Variants in PLEKHA7 observed in about 807,000 individuals in gnomAD.
PLEKHA7 encodes the protein pleckstrin homology domain-containing family A member 7.
In PLEKHA7, 104 loss-of-function variants were observed where a neutral mutation model predicts 170.0. The observed-to-expected ratio is 0.61, with a 90% confidence interval of 0.52 to 0.72. The LOEUF is 0.72. Among genes scored for constraint, PLEKHA7 ranks in the 30% least tolerant of loss-of-function variants. The pLI is 0.00. For synonymous variants in PLEKHA7, 648 were observed against 660.8 expected (o/e 0.98, Z 0.30); for missense variants, 1,615 against 1,671.7 (o/e 0.97, Z 0.59).
Position 17,012,504 on chromosome 11 carries a change from T to C in PLEKHA7, c.221+1485A>G, listed in dbSNP as rs1453193783. On this transcript the variant is annotated intron_variant, in intron 3 of 26. Coordinates refer to ENST00000531066, the MANE Select transcript of PLEKHA7 (RefSeq NM_001329630.2). The stretch of plus-strand genomic sequence containing the variant: ...TGCCTATTCAGAAACACCATCCCGA[T>C]CTCCCAGTACAACCAAGCCACCCAG... 2.6e-5 allele frequency among the ~76,000 whole-genome samples: 4 copies of C among 152,158 alleles called. No individual in the cohort carries two copies. The East Asian group carries it at 7.7e-4, about 29-fold the overall frequency.
At chr11:16,967,130 T>C (rs1862422782) in intron 3 of PLEKHA7, among the ~76,000 whole-genome samples, 1 of 152,162 alleles carries the variant, frequency 6.6e-6, no homozygotes, top group African/African-American at 2.4e-5. Context: ...GCTCTCAATG[T>C]CCTTTGTTTT....
Position 16,817,419 on chromosome 11 carries a change from G to A in PLEKHA7, c.1344-97C>T, listed in dbSNP as rs1363432843. On this transcript the variant is annotated intron_variant, in intron 10 of 26. Coordinates refer to ENST00000531066, the MANE Select transcript of PLEKHA7 (RefSeq NM_001329630.2). The surrounding 1 kb of genome is among the most constrained non-coding windows in gnomAD (Gnocchi z 4.4). ...GTAAACCCACAAAGCTGGGCATGTG[G>A]GACAGTCCTGTAAGAACCTCAAAAG... 7.9e-7 allele frequency: 1 copy of A among 1,260,994 alleles called. No individual in the cohort carries two copies. 78.1% of individuals were successfully genotyped at this position (1,260,994 alleles called of 1,614,324 possible).
chr11:17,005,121 G>A (rs76970011), intron 3 of PLEKHA7, among the ~76,000 whole-genome samples: 96,417 of 151,840 alleles, frequency 0.63, 31,233 homozygotes, highest in East Asian at 0.96. Context: ...AGACTTAACG[G>A]GGGGGGTAAA....
intron 3 of PLEKHA7, among the ~76,000 whole-genome samples, chr11:16,947,454 G>C (rs1861102312): frequency 6.6e-6 from 1 of 152,026 alleles, no homozygotes; most frequent in Non-Finnish European, 1.5e-5. Context: ...AGCCAGGCAT[G>C]GTGAGAGGCA....
chr11:16,856,664 C>A (rs1206661175), intron 4 of PLEKHA7, among the ~76,000 whole-genome samples: 1 of 152,224 alleles, frequency 6.6e-6, no homozygotes, highest in Non-Finnish European at 1.5e-5. Context: ...CAGTGCGACA[C>A]TCAAGAGCCA....
chr11:16,820,019 A>T (rs930668126), intron 10 of PLEKHA7, among the ~76,000 whole-genome samples: 2 of 152,282 alleles, frequency 1.3e-5, no homozygotes, highest in African/African-American at 4.8e-5. Context: ...TTCATAATGT[A>T]TACATATATT....
Position 16,826,141 on chromosome 11 carries a change from G to A in PLEKHA7, c.1322C>T (p.Ala441Val). The A allele has an allele frequency of 6.2e-7, 1 of 1,614,134 alleles. No individual in the cohort carries two copies. Among genetic ancestry groups the A allele is most frequent in the Non-Finnish European group, 8.5e-7 (1 of 1,179,982 alleles). Residue 441 changes from alanine to valine, a missense_variant, in exon 10 of 27, where the codon GCC becomes GTC. By Grantham distance (64) the Ala-to-Val change is moderately conservative. Coordinates refer to ENST00000531066, the MANE Select transcript of PLEKHA7 (RefSeq NM_001329630.2). ...NLAQVEHWAR[A>V]QKGDSRSLPL... The stretch of plus-strand genomic sequence containing the variant: ...TCACCTCCTGCTATCCCCTTTCTGG[G>A]CCCTTGCCCAGTGCTCCACCTGGGC...
At chr11:16,994,714 T>C (rs1864241027) in intron 3 of PLEKHA7, among the ~76,000 whole-genome samples, 1 of 152,082 alleles carries the variant, frequency 6.6e-6, no homozygotes, top group African/African-American at 2.4e-5. Flanking sequence ...CCCAAAAACA[T>C]CCAGACTCCC....
intron 3 of PLEKHA7, among the ~76,000 whole-genome samples, chr11:16,923,202 G>C (rs1387020617): frequency 6.6e-6 from 1 of 152,226 alleles, no homozygotes; most frequent in African/African-American, 2.4e-5. Context: ...CAAATATGCA[G>C]CCATGGCCAG....
At chr11:16,877,628 T>C (rs1855404403) in intron 3 of PLEKHA7, among the ~76,000 whole-genome samples, 1 of 152,224 alleles carries the variant, frequency 6.6e-6, no homozygotes, top group Non-Finnish European at 1.5e-5. Flanking sequence ...TCACTGCACA[T>C]AGGCATTCCT....
At chr11:16,919,628 C>A (rs1292263903) in intron 3 of PLEKHA7, among the ~76,000 whole-genome samples, 1 of 151,982 alleles carries the variant, frequency 6.6e-6, no homozygotes, top group African/African-American at 2.4e-5. Flanking sequence ...CACACCACTG[C>A]ACTCCAGTCT....
In PLEKHA7 at chr11:16,966,630, C is replaced by T. The variant is rs1590740466; in HGVS notation, c.221+47359G>A. ...CAAAAGGTACCAATCTGCAGTAACA[C>T]ACACCACTCAGAATCCAAGTGGAGC... On this transcript the variant is annotated intron_variant, in intron 3 of 26. Transcript: ENST00000531066. Among the ~76,000 whole-genome samples, 3 of 152,180 alleles carry T rather than the reference C, an allele frequency of 2.0e-5. No individual in the cohort carries two copies. The East Asian group carries it at 5.8e-4, about 29-fold the overall frequency.
At chr11:16,991,828 G>A (rs1020567308) in intron 3 of PLEKHA7, among the ~76,000 whole-genome samples, 1 of 152,192 alleles carries the variant, frequency 6.6e-6, no homozygotes, top group African/African-American at 2.4e-5. Context: ...TAGCAGACGG[G>A]GAGAGAAGCA....
At chr11:16,880,297 C>G (rs548794843) in intron 3 of PLEKHA7, among the ~76,000 whole-genome samples, 10 of 152,150 alleles carry the variant, frequency 6.6e-5, no homozygotes, top group African/African-American at 2.2e-4. Context: ...AATTCAAATC[C>G]CAGCTCTGCC....
intron 3 of PLEKHA7, chr11:16,975,063 CT>C: frequency 9.5e-6 from 7 of 736,790 alleles, no homozygotes; most frequent in Non-Finnish European, 1.3e-5. Flanking sequence ...TTTATATATA[CT>C]ATGTATATAT....
At position 16,886,847 on chromosome 11, in the gene PLEKHA7, T is replaced by C. The variant is rs1027047186; in HGVS notation, c.222-15665A>G. Among the ~76,000 whole-genome samples the C allele has an allele frequency of 3.3e-5, 5 of 152,082 alleles. No individual in the cohort carries two copies. In the East Asian group the frequency reaches 5.8e-4, roughly 18 times the overall value. Reference sequence around the variant, plus strand: ...AACAAATATTTGAGAGCCAACTAGATGCCAATCCCCTAGTGTCTTACACAT... The same window carrying C: ...AACAAATATTTGAGAGCCAACTAGACGCCAATCCCCTAGTGTCTTACACAT... On this transcript the variant is annotated intron_variant, in intron 3 of 26. Coordinates refer to ENST00000531066, the MANE Select transcript of PLEKHA7 (RefSeq NM_001329630.2).
At chr11:16,907,019 G>C (rs1205975751) in intron 3 of PLEKHA7, among the ~76,000 whole-genome samples, 1 of 146,710 alleles carries the variant, frequency 6.8e-6, no homozygotes, top group Non-Finnish European at 1.5e-5. Flanking sequence ...CAACCGCCCC[G>C]TCTGAGAAGT....
intron 3 of PLEKHA7, among the ~76,000 whole-genome samples, chr11:16,950,084 C>CG (rs1169240313): frequency 1.9e-4 from 8 of 42,890 alleles, no homozygotes; most frequent in South Asian, 5.8e-4. Flanking sequence ...GTGTGTGGGG[C>CG]GGGGGGCGGG....
intron 4 of PLEKHA7, among the ~76,000 whole-genome samples, chr11:16,859,770 G>A (rs887598144): frequency 3.3e-5 from 5 of 152,336 alleles, no homozygotes; most frequent in Admixed American, 3.3e-4. Context: ...AGAAGAGCCT[G>A]TGCCCCCGAG....
Sources: gnomAD v4.1 joint callset for allele counts (sites outside exome capture counted in the v4.1 genomes callset) on GRCh38, gnomAD v4.1.1 for gene constraint, Gnocchi (gnomAD v3.1) non-coding constraint, MANE v1.5 for transcripts, NCBI Gene and HGNC (gene_info 2026-07-23, HGNC 2026-07-21) for gene names.